KCNIP4: variants seen among roughly 807,000 people sequenced by gnomAD.
KCNIP4 encodes Kv channel-interacting protein 4.
KCNIP4 carries 12 observed loss-of-function variants against 34.0 expected under a neutral mutation model. The observed-to-expected ratio is 0.35, with a 90% CI of 0.23 to 0.57. The LOEUF is 0.57. Ranked by LOEUF, KCNIP4 falls within the 20% of genes least tolerant of loss-of-function variation. KCNIP4 has a pLI of 0.83. For synonymous variants in KCNIP4, 124 were observed against 102.2 expected, an observed-to-expected ratio of 1.21 and a Z score of -1.29; for missense variants, 238 against 311.7, an observed-to-expected ratio of 0.76 and a Z score of 1.78.
rs1044640632 is a variant in KCNIP4, at chr4:21,303,392, T to C, written c.62-420683A>G. Among the ~76,000 whole-genome samples, 9 of 152,336 alleles carry C rather than the reference T, an allele frequency of 5.9e-5. No homozygotes were observed. The East Asian group carries it at 1.7e-3, about 29-fold the overall frequency. On this transcript the variant is annotated intron_variant, in intron 1 of 8. Coordinates refer to ENST00000382152, the MANE Select transcript of KCNIP4 (RefSeq NM_025221.6). ...AGAAATTATGTCTATTTATTTCCATTTGATCAATGTATTTGCATAGCAAGA... is the reference window on the plus strand; with the variant it reads ...AGAAATTATGTCTATTTATTTCCATCTGATCAATGTATTTGCATAGCAAGA...
At chr4:21,700,888 T>C (rs1473543403) in intron 1 of KCNIP4, among the ~76,000 whole-genome samples, 1 of 152,200 alleles carries the variant, frequency 6.6e-6, no homozygotes, top group Non-Finnish European at 1.5e-5. Context: ...GGCACCTTTG[T>C]CAAAACTACT....
intron 1 of KCNIP4, among the ~76,000 whole-genome samples, chr4:21,583,720 T>C (rs926241049): frequency 2.6e-5 from 4 of 152,114 alleles, no homozygotes; most frequent in African/African-American, 7.2e-5. Context: ...CCATTTCTTC[T>C]GAGTTCCAAG....
At chr4:21,888,768 C>T (rs1290791089) in intron 1 of KCNIP4, among the ~76,000 whole-genome samples, 2 of 152,106 alleles carry the variant, frequency 1.3e-5, no homozygotes, top group Admixed American at 6.6e-5. Context: ...CTTCATGACT[C>T]ACATAACTGC....
chr4:21,015,287 T>C (rs1317352541), intron 1 of KCNIP4, among the ~76,000 whole-genome samples: 1 of 148,782 alleles, frequency 6.7e-6, no homozygotes, highest in East Asian at 2.0e-4. Context: ...GAAATATATA[T>C]ATTATATATA....
intron 1 of KCNIP4, among the ~76,000 whole-genome samples, chr4:21,927,773 A>C (rs1390071212): frequency 3.9e-5 from 6 of 152,156 alleles, no homozygotes. Flanking sequence ...TCTGACAATG[A>C]GTAGAAAGAA....
intron 1 of KCNIP4, among the ~76,000 whole-genome samples, chr4:21,938,757 TAAAC>T (rs1730032042): frequency 6.6e-6 from 1 of 152,092 alleles, no homozygotes; most frequent in African/African-American, 2.4e-5. Context: ...GAAGATGAAA[TAAAC>T]TAACATACGC....
intron 1 of KCNIP4, among the ~76,000 whole-genome samples, chr4:21,321,526 G>A (rs749020169): frequency 2.0e-5 from 3 of 151,976 alleles, no homozygotes; most frequent in Admixed American, 6.6e-5. Flanking sequence ...TAGACAATAC[G>A]AAGAAGGCTT....
At chr4:21,112,926 C>A (rs905943879) in intron 1 of KCNIP4, among the ~76,000 whole-genome samples, 1 of 152,046 alleles carries the variant, frequency 6.6e-6, no homozygotes, top group Non-Finnish European at 1.5e-5. Flanking sequence ...AGATAGCCAA[C>A]CTTCTAGTGT....
chr4:20,738,519 T>C lies in KCNIP4; in HGVS notation c.430-3784A>G, dbSNP rs79531908. Among the ~76,000 whole-genome samples the C allele has an allele frequency of 6.6e-3, 1,000 of 152,286 alleles. 8 individuals are homozygous for C. The highest frequency in any genetic ancestry group is 0.013 in the Admixed American group (194 of 15,300). Reference sequence around the variant, plus strand: ...TGTACTGCTTCCAGGGATCACACTTTGAGAATCACTGGCCTACAGCACTCA... The same window carrying C: ...TGTACTGCTTCCAGGGATCACACTTCGAGAATCACTGGCCTACAGCACTCA... On this transcript the variant is annotated intron_variant, in intron 5 of 8. Coordinates refer to ENST00000382152, the MANE Select transcript of KCNIP4 (RefSeq NM_025221.6).
At chr4:20,769,951 C>CTCTGT (rs1755729409) in intron 3 of KCNIP4, among the ~76,000 whole-genome samples, 1 of 152,226 alleles carries the variant, frequency 6.6e-6, no homozygotes, top group African/African-American at 2.4e-5. Flanking sequence ...CCACAAAGAT[C>CTCTGT]ATCTCTGTAT....
intron 1 of KCNIP4, among the ~76,000 whole-genome samples, chr4:21,033,253 C>T (rs1741165877): frequency 6.6e-6 from 1 of 152,098 alleles, no homozygotes; most frequent in South Asian, 2.1e-4. Flanking sequence ...CTCTGATCTC[C>T]ACAAAACAAG....
intron 1 of KCNIP4, among the ~76,000 whole-genome samples, chr4:21,055,448 C>T (rs1743316080): frequency 6.6e-6 from 1 of 152,164 alleles, no homozygotes; most frequent in Non-Finnish European, 1.5e-5. Flanking sequence ...AAAATTTTGA[C>T]TGCAGAAAAA....
At position 21,178,031 on chromosome 4, in the gene KCNIP4, G is replaced by T. The variant is rs116500083; in HGVS notation, c.62-295322C>A. On this transcript the variant is annotated intron_variant, in intron 1 of 8. Coordinates refer to ENST00000382152, the MANE Select transcript of KCNIP4 (RefSeq NM_025221.6). ...AAATCTATTAGCATGCCCCAGGCAGGTTTATCAAAAACATCTTTTTACTAT... is the reference window on the plus strand; with the variant it reads ...AAATCTATTAGCATGCCCCAGGCAGTTTTATCAAAAACATCTTTTTACTAT... Among the ~76,000 whole-genome samples, 580 of 152,106 alleles carry T rather than the reference G, an allele frequency of 3.8e-3. 7 individuals are homozygous for T. Among genetic ancestry groups the T allele is most frequent in the African/African-American group, 0.013 (553 of 41,496 alleles).
rs145514615 is a variant in KCNIP4, at chr4:21,130,858, G to C, written c.62-248149C>G. On this transcript the variant is annotated intron_variant, in intron 1 of 8. Coordinates refer to ENST00000382152, the MANE Select transcript of KCNIP4 (RefSeq NM_025221.6). ...ATAGATAATCATTGAGTTATAATGG[G>C]GTTACAGTCCAATATATCCATCATA... is the stretch of plus-strand genomic sequence containing the variant. 9.9e-3 allele frequency among the ~76,000 whole-genome samples: 1,508 copies of C among 152,138 alleles called. 27 individuals are homozygous for C. Among genetic ancestry groups the C allele is most frequent in the African/African-American group, 0.034 (1,426 of 41,478 alleles).
At chr4:21,341,816 G>C (rs904639309) in intron 1 of KCNIP4, among the ~76,000 whole-genome samples, 4 of 152,056 alleles carry the variant, frequency 2.6e-5, no homozygotes, top group Non-Finnish European at 5.9e-5. Context: ...CCACAGTTTT[G>C]ATGGCCCCAA....
rs183363136 is a variant in KCNIP4 at position 21,136,281 on chromosome 4, G to T, written c.62-253572C>A. Among the ~76,000 whole-genome samples, 37 of 152,252 alleles carry T rather than the reference G, an allele frequency of 2.4e-4. No individual in the cohort carries two copies. The East Asian group carries it at 5.6e-3, about 23-fold the overall frequency. ...CCTACTGTTCCCCACCTAATGACTT[G>T]CCTGAAGAACAAATTACCACTGGAG... is the stretch of plus-strand genomic sequence containing the variant. On this transcript the variant is annotated intron_variant, in intron 1 of 8. Transcript: ENST00000382152.
chr4:21,657,149 C>CCT (rs1748026184), intron 1 of KCNIP4, among the ~76,000 whole-genome samples: 1 of 152,186 alleles, frequency 6.6e-6, no homozygotes, highest in African/African-American at 2.4e-5. Flanking sequence ...AGTCATGTGG[C>CCT]AATAAGAGAA....
At chr4:21,236,074 C>A (rs886069962) in intron 1 of KCNIP4, among the ~76,000 whole-genome samples, 1 of 151,924 alleles carries the variant, frequency 6.6e-6, no homozygotes, top group Non-Finnish European at 1.5e-5. Context: ...GCAGGCAGAT[C>A]GCTTGAGTTC....
At chr4:20,746,355 C>T (rs1752421111) in intron 5 of KCNIP4, among the ~76,000 whole-genome samples, 1 of 151,740 alleles carries the variant, frequency 6.6e-6, no homozygotes, top group Admixed American at 6.6e-5. Context: ...GGGAACATCA[C>T]ACACCAGGGC....
Sources: gnomAD v4.1 joint callset for allele counts (sites outside exome capture counted in the v4.1 genomes callset) on GRCh38, gnomAD v4.1.1 for gene constraint, MANE v1.5 for transcripts, NCBI Gene and HGNC (gene_info 2026-07-23, HGNC 2026-07-21) for gene names.